LRP1B: variants seen among roughly 807,000 people sequenced by gnomAD.
LRP1B encodes low-density lipoprotein receptor-related protein 1B.
In LRP1B, 217 loss-of-function variants were observed where a neutral mutation model predicts 556.6. The observed-to-expected ratio is 0.39, with a 90% CI of 0.35 to 0.44. The LOEUF (loss-of-function observed/expected upper bound fraction) is 0.44. LRP1B is among the 20% of genes least tolerant of loss of function. LRP1B has a pLI of 1.00. For synonymous variants in LRP1B, 2,047 were observed against 1,865.8 expected (o/e 1.10, Z -2.50); for missense variants, 5,053 against 5,620.8 (o/e 0.90, Z 3.23).
chr2:141,342,068 C>G (rs1346098087), intron 3 of LRP1B, among the ~76,000 whole-genome samples: 1 of 151,456 alleles, frequency 6.6e-6, no homozygotes. Flanking sequence ...CACAATGAAA[C>G]CCCGTCTCCA....
At chr2:141,195,060 C>T (rs2105210920) in intron 6 of LRP1B, among the ~76,000 whole-genome samples, 1 of 152,220 alleles carries the variant, frequency 6.6e-6, no homozygotes, top group Non-Finnish European at 1.5e-5. Context: ...AATTCTCCTC[C>T]TGAAGGTGGG....
chr2:141,552,555 T>A (rs539017173), intron 2 of LRP1B, among the ~76,000 whole-genome samples: 1 of 152,218 alleles, frequency 6.6e-6, no homozygotes, highest in African/African-American at 2.4e-5. Context: ...ACAGCTTACC[T>A]AGTATCTGGT....
chr2:141,935,425 CT>C (rs1350690692), intron 1 of LRP1B, among the ~76,000 whole-genome samples: 1 of 152,132 alleles, frequency 6.6e-6, no homozygotes, highest in Non-Finnish European at 1.5e-5. Context: ...ATTTTGACAT[CT>C]GTCAATTAGA....
intron 66 of LRP1B, among the ~76,000 whole-genome samples, chr2:140,442,195 T>C (rs1686458313): frequency 1.3e-5 from 2 of 152,174 alleles, no homozygotes; most frequent in African/African-American, 4.8e-5. Flanking sequence ...CTTATTTCTG[T>C]TCACTAAATG....
intron 18 of LRP1B, among the ~76,000 whole-genome samples, chr2:140,953,713 T>A (rs1237444787): frequency 1.3e-5 from 2 of 152,122 alleles, no homozygotes; most frequent in Admixed American, 1.3e-4. Flanking sequence ...GAGAAAAATA[T>A]ATGAATAACA....
intron 41 of LRP1B, among the ~76,000 whole-genome samples, chr2:140,615,986 T>C (rs934742867): frequency 2.0e-5 from 3 of 152,082 alleles, no homozygotes; most frequent in African/African-American, 7.2e-5. Context: ...ATCTTACGTT[T>C]GTTGAATTCC....
intron 2 of LRP1B, among the ~76,000 whole-genome samples, chr2:141,726,159 T>A (rs866280637): frequency 6.6e-6 from 1 of 151,268 alleles, no homozygotes; most frequent in African/African-American, 2.4e-5. Flanking sequence ...ATAAATGGCA[T>A]GAAAATATAT....
At chr2:140,280,413 G>A (rs567234654) in intron 84 of LRP1B, among the ~76,000 whole-genome samples, 14 of 151,826 alleles carry the variant, frequency 9.2e-5, no homozygotes, top group African/African-American at 1.9e-4. Flanking sequence ...ATGAGTCTAG[G>A]TACATTGGTC....
intron 3 of LRP1B, among the ~76,000 whole-genome samples, chr2:141,442,503 A>G (rs2105006572): frequency 6.6e-6 from 1 of 151,498 alleles, no homozygotes; most frequent in South Asian, 2.1e-4. Flanking sequence ...ATAGTTATAC[A>G]AGTGCCATGG....
chr2:141,310,024 C>T (rs1686752684), intron 3 of LRP1B, among the ~76,000 whole-genome samples: 1 of 152,112 alleles, frequency 6.6e-6, no homozygotes, highest in South Asian at 2.1e-4. Context: ...TTTGTTAAGG[C>T]AGCCTTGAGG....
intron 41 of LRP1B, among the ~76,000 whole-genome samples, chr2:140,655,784 T>C (rs1407739525): frequency 2.0e-5 from 3 of 151,840 alleles, no homozygotes; most frequent in South Asian, 4.1e-4. Context: ...CTACTAAAAA[T>C]ACAAAAAAAT....
chr2:141,081,141 G>T (rs1016802397), intron 7 of LRP1B, among the ~76,000 whole-genome samples: 2 of 152,150 alleles, frequency 1.3e-5, no homozygotes, highest in Non-Finnish European at 2.9e-5. Context: ...CAGAGCATTT[G>T]CTTTGAATAT....
chr2:141,493,420 A>C (rs1050410058), intron 2 of LRP1B, among the ~76,000 whole-genome samples: 1 of 152,206 alleles, frequency 6.6e-6, no homozygotes, highest in Non-Finnish European at 1.5e-5. Flanking sequence ...TCTTACAGTC[A>C]GGGTGATACC....
rs767554160 is a variant in LRP1B, at chr2:140,908,090, G to C, written c.3320-13C>G. 3 of 1,605,394 alleles carry C rather than the reference G, an allele frequency of 1.9e-6. No individual in the cohort carries two copies. The South Asian group carries it at 3.3e-5, about 18-fold the overall frequency. On this transcript the variant is annotated splice_polypyrimidine_tract_variant and intron_variant, in intron 21 of 90. Coordinates refer to ENST00000389484, the MANE Select transcript of LRP1B (RefSeq NM_018557.3). ...TTGATGCATCTCCCTTAAGAAAACA[G>C]AAATAGTGTCAGTTTGATTTTTGTG...
intron 14 of LRP1B, 151 bp downstream of exon 14, chr2:141,013,405 G>T: frequency 1.6e-6 from 1 of 626,696 alleles, no homozygotes; most frequent in Non-Finnish European, 2.6e-6. Context: ...AAATTTCTAT[G>T]ATAACAAAAT....
chr2:140,872,298 G>A lies in LRP1B; in HGVS notation c.4170-4035C>T, dbSNP rs1169993234. Among the ~76,000 whole-genome samples, 15 of 146,708 alleles carry A rather than the reference G, an allele frequency of 1.0e-4. No individual in the cohort carries two copies. In the East Asian group the frequency reaches 2.4e-3, roughly 24 times the overall value. On this transcript the variant is annotated intron_variant, in intron 25 of 90. Coordinates refer to ENST00000389484, the MANE Select transcript of LRP1B (RefSeq NM_018557.3). ...TCTGTTTTTCCTTACAGAATCTCAAGAGTGTGAACAGACAAGTTCATCTCA... is the reference window on the plus strand; with the variant it reads ...TCTGTTTTTCCTTACAGAATCTCAAAAGTGTGAACAGACAAGTTCATCTCA...
At chr2:140,825,184 G>A (rs752751611) in intron 31 of LRP1B, among the ~76,000 whole-genome samples, 1 of 152,278 alleles carries the variant, frequency 6.6e-6, no homozygotes, top group East Asian at 1.9e-4. Flanking sequence ...TTATTAGATA[G>A]GAGTGAGTGA....
At chr2:141,080,731 A>G (rs1699902770) in intron 7 of LRP1B, among the ~76,000 whole-genome samples, 1 of 152,248 alleles carries the variant, frequency 6.6e-6, no homozygotes, top group South Asian at 2.1e-4. Flanking sequence ...AAGCTACAGT[A>G]GTACGCCCAT....
chr2:142,032,289 G>A (rs1421408724), intron 1 of LRP1B, among the ~76,000 whole-genome samples: 1 of 151,636 alleles, frequency 6.6e-6, no homozygotes, highest in Non-Finnish European at 1.5e-5. Flanking sequence ...TCTATCCCAT[G>A]CAAACCTGTC....
Sources: gnomAD v4.1 joint callset for allele counts (sites outside exome capture counted in the v4.1 genomes callset) on GRCh38, gnomAD v4.1.1 for gene constraint, MANE v1.5 for transcripts, NCBI Gene and HGNC (gene_info 2026-07-23, HGNC 2026-07-21) for gene names.